The following ADAMTS17 variants were observed in gnomAD, a reference collection of about 807,000 sequenced individuals.
ADAMTS17 encodes ADAM metallopeptidase with thrombospondin type 1 motif 17, also known as A disintegrin and metalloproteinase with thrombospondin motifs 17.
ADAMTS17 carries 113 observed loss-of-function variants against 141.5 expected under a neutral mutation model. The observed-to-expected ratio is 0.80, with a 90% CI of 0.69 to 0.93. The LOEUF is 0.93. ADAMTS17 is among the 40% of genes least tolerant of loss of function. ADAMTS17 has a pLI of 0.00. For missense variants in ADAMTS17, 1,659 were observed against 1,517.9 expected (o/e 1.09, Z -1.54); for synonymous variants, 768 against 630.6 (o/e 1.22, Z -3.27).
At chr15:100,200,565 G>A (rs1001917044) in intron 7 of ADAMTS17, among the ~76,000 whole-genome samples, 9 of 152,164 alleles carry the variant, frequency 5.9e-5, no homozygotes, top group African/African-American at 1.4e-4. Context: ...GTTTAACCCC[G>A]AAGGCAGTTC....
intron 7 of ADAMTS17, among the ~76,000 whole-genome samples, chr15:100,234,804 G>A (rs2042603124): frequency 6.6e-6 from 1 of 152,180 alleles, no homozygotes. Context: ...AGCCAGGGTG[G>A]AAAGGAAGGG....
chr15:100,340,902 T>G (rs1596560429), intron 2 of ADAMTS17, 137 bp downstream of exon 2: 3 of 1,330,384 alleles, frequency 2.3e-6, no homozygotes, highest in East Asian at 2.8e-5. Flanking sequence ...TGGGGAGAGG[T>G]GGAAAGGCAG....
At chr15:100,158,593 C>A (rs913818770) in intron 8 of ADAMTS17, among the ~76,000 whole-genome samples, 2 of 147,860 alleles carry the variant, frequency 1.4e-5, no homozygotes, top group African/African-American at 5.0e-5. Context: ...CTCCCCCTTC[C>A]TCCTCCCTCC....
chr15:100,167,169 G>A (rs952869362), intron 8 of ADAMTS17, among the ~76,000 whole-genome samples: 16 of 152,206 alleles, frequency 1.1e-4, no homozygotes, highest in Admixed American at 2.0e-4. Context: ...GCCTAAGTGA[G>A]AACCTGATTG....
chr15:100,201,068 C>T (rs2041313180), intron 7 of ADAMTS17, among the ~76,000 whole-genome samples: 1 of 152,212 alleles, frequency 6.6e-6, no homozygotes, highest in African/African-American at 2.4e-5. Flanking sequence ...TTCCTGCCCC[C>T]AAAGAGCTAA....
rs75635336 is a variant in ADAMTS17 at position 100,157,491 on chromosome 15, G to A, written c.1182-2171C>T. Among the ~76,000 whole-genome samples, 827 of 152,134 alleles carry A rather than the reference G, an allele frequency of 5.4e-3. 8 individuals carry two copies. The highest frequency in any genetic ancestry group is 0.019 in the African/African-American group (784 of 41,476). On this transcript the variant is annotated intron_variant, in intron 8 of 21. Transcript: ENST00000268070. Reference sequence around the variant, plus strand: ...TTTCTGAAAAGGGAGTGTCTGCATCGCCACCTAGGTATAGATGGCCATATT... The same window carrying A: ...TTTCTGAAAAGGGAGTGTCTGCATCACCACCTAGGTATAGATGGCCATATT...
At chr15:99,980,971 C>T (rs1036868635) in intron 20 of ADAMTS17, among the ~76,000 whole-genome samples, 1 of 152,210 alleles carries the variant, frequency 6.6e-6, no homozygotes, top group African/African-American at 2.4e-5. Flanking sequence ...CCCTCGTAGG[C>T]CTCCACGGCA....
chr15:100,030,853 A>C (rs769225314), intron 18 of ADAMTS17, among the ~76,000 whole-genome samples: 3 of 152,222 alleles, frequency 2.0e-5, no homozygotes, highest in Non-Finnish European at 4.4e-5. Flanking sequence ...AACTGTATTA[A>C]AAATGTGTGT....
At chr15:100,300,905 G>A (rs2045008874) in intron 3 of ADAMTS17, among the ~76,000 whole-genome samples, 1 of 152,180 alleles carries the variant, frequency 6.6e-6, no homozygotes, top group Non-Finnish European at 1.5e-5. Flanking sequence ...AACCACAATA[G>A]CACATTTTTC....
chr15:100,316,850 C>T (rs2045580326), intron 3 of ADAMTS17, among the ~76,000 whole-genome samples: 1 of 152,232 alleles, frequency 6.6e-6, no homozygotes, highest in East Asian at 1.9e-4. Context: ...GTCCCAGCCT[C>T]TACGTGCTGG....
intron 7 of ADAMTS17, among the ~76,000 whole-genome samples, chr15:100,246,867 T>TTTTTTTTATTTATTTA: frequency 6.8e-6 from 1 of 146,596 alleles, no homozygotes; most frequent in Admixed American, 6.8e-5. Flanking sequence ...GCCCTTTTAT[T>TTTTTTTTATTTATTTA]TTTATTTATT....
At chr15:100,117,429 G>C (rs2037209343) in intron 12 of ADAMTS17, among the ~76,000 whole-genome samples, 1 of 152,090 alleles carries the variant, frequency 6.6e-6, no homozygotes. Context: ...GGTATACTCT[G>C]GAGGTTAAGT....
chr15:100,337,153 C>T (rs936021167), intron 2 of ADAMTS17, among the ~76,000 whole-genome samples: 6 of 152,358 alleles, frequency 3.9e-5, no homozygotes, highest in Non-Finnish European at 7.3e-5. Context: ...GGATTACAGG[C>T]GTAAGCCACC....
chr15:100,186,003 G>C (rs2040703047), intron 8 of ADAMTS17, among the ~76,000 whole-genome samples: 1 of 152,090 alleles, frequency 6.6e-6, no homozygotes, highest in African/African-American at 2.4e-5. Context: ...ACACCTACGG[G>C]ACGGTCAGTT....
At chr15:100,246,952 C>T (rs2043007660) in intron 7 of ADAMTS17, among the ~76,000 whole-genome samples, 3 of 151,970 alleles carry the variant, frequency 2.0e-5, no homozygotes, top group Admixed American at 2.0e-4. Context: ...GGCACAATCT[C>T]GGCTCACTGC....
intron 7 of ADAMTS17, among the ~76,000 whole-genome samples, chr15:100,250,821 C>T (rs1008980348): frequency 2.0e-5 from 3 of 152,108 alleles, no homozygotes; most frequent in Admixed American, 6.5e-5. Flanking sequence ...CTGGACAAAG[C>T]TGGGTGATAG....
chr15:100,225,611 C>G (rs55986238), intron 7 of ADAMTS17, among the ~76,000 whole-genome samples: 4 of 143,888 alleles, frequency 2.8e-5, no homozygotes, highest in South Asian at 2.5e-4. Flanking sequence ...TCAGTCCTTA[C>G]AGCAGTCACG....
chr15:100,127,396 G>T (rs1045470217), intron 12 of ADAMTS17, among the ~76,000 whole-genome samples: 1 of 152,102 alleles, frequency 6.6e-6, no homozygotes, highest in African/African-American at 2.4e-5. Flanking sequence ...CAAGCCAGGG[G>T]AGGCCAAGGG....
At chr15:100,239,587 T>G (rs2042765739) in intron 7 of ADAMTS17, among the ~76,000 whole-genome samples, 1 of 152,152 alleles carries the variant, frequency 6.6e-6, no homozygotes, top group South Asian at 2.1e-4. Flanking sequence ...GGGGTCTCTC[T>G]CCAGCGTTGC....
Sources: allele counts gnomAD v4.1 joint callset (sites outside exome capture counted in the v4.1 genomes callset), GRCh38; gene constraint gnomAD v4.1.1; transcripts MANE v1.5; gene names NCBI Gene and HGNC (gene_info 2026-07-23, HGNC 2026-07-21).